Variants in TRAK1 observed in about 807,000 individuals in gnomAD.
TRAK1 encodes trafficking kinesin-binding protein 1.
Under a neutral mutation model 92.1 loss-of-function variants are expected in TRAK1, and 33 were observed. The ratio of observed to expected loss-of-function variants is 0.36; its 90% confidence interval spans 0.27 to 0.48. TRAK1 has a LOEUF of 0.48. Ranked by LOEUF, TRAK1 falls within the 20% of genes least tolerant of loss-of-function variation. The pLI, the probability that TRAK1 is intolerant of heterozygous loss-of-function variation, is 0.99. For synonymous variants in TRAK1, 521 were observed against 517.3 expected (o/e 1.01, Z -0.10); for missense variants, 1,123 against 1,257.9 (o/e 0.89, Z 1.62).
At position 42,202,879 on chromosome 3, in the gene TRAK1, G is replaced by A. The variant is rs763336602; in HGVS notation, c.1744+127G>A. 34 of 1,465,048 alleles carry A rather than the reference G, an allele frequency of 2.3e-5. No homozygotes were observed. Among genetic ancestry groups the A allele is most frequent in the Admixed American group, 1.8e-4 (8 of 43,464 alleles). 90.8% of individuals were successfully genotyped at this position (1,465,048 alleles called of 1,614,324 possible). On this transcript the variant is annotated intron_variant, in intron 13 of 15. Coordinates refer to ENST00000327628, the MANE Select transcript of TRAK1 (RefSeq NM_001042646.3). The surrounding 1 kb of genome is among the most constrained non-coding windows in gnomAD (Gnocchi z 6.1). ...TTTTTCTTCCGCGACAGCCACCCGC[G>A]CTGCTGGTTTGAGTTCCTCTGAGGG...
At chr3:42,095,674 C>G (rs1452705487) in intron 1 of TRAK1, among the ~76,000 whole-genome samples, 2 of 152,148 alleles carry the variant, frequency 1.3e-5, no homozygotes, top group East Asian at 1.9e-4. Context: ...TTACCTTATT[C>G]TTTAAAATAG....
intron 2 of TRAK1, among the ~76,000 whole-genome samples, chr3:42,163,364 T>A (rs1368412447): frequency 2.0e-5 from 3 of 148,724 alleles, no homozygotes; most frequent in Non-Finnish European, 4.5e-5. Context: ...AGGTCAGGAG[T>A]TCAAGACCAG....
intron 6 of TRAK1, among the ~76,000 whole-genome samples, chr3:42,191,022 G>A (rs1035924332): frequency 6.6e-6 from 1 of 152,208 alleles, no homozygotes; most frequent in Non-Finnish European, 1.5e-5. Context: ...TGGCTCTTGT[G>A]CCTCTGCATT....
chr3:42,043,229 T>C (rs1702617049), intron 1 of TRAK1, among the ~76,000 whole-genome samples: 1 of 152,014 alleles, frequency 6.6e-6, no homozygotes, highest in Non-Finnish European at 1.5e-5. Flanking sequence ...CTGTCCCCTC[T>C]TGCCCTCCTT....
chr3:42,043,489 A>C (rs1415424860), intron 1 of TRAK1, among the ~76,000 whole-genome samples: 3 of 150,520 alleles, frequency 2.0e-5, no homozygotes, highest in Admixed American at 6.6e-5. Flanking sequence ...CTCTGACCTC[A>C]TCCCCTCCAC....
At position 42,212,237 on chromosome 3, in the gene TRAK1, A is replaced by G. The variant is rs538238366; in HGVS notation, c.1963+2252A>G. The G allele has an allele frequency of 1.9e-5, 19 of 985,408 alleles. No homozygotes were observed. In the South Asian group the frequency reaches 5.6e-4, roughly 29 times the overall value. 61.0% of individuals were successfully genotyped at this position (985,408 alleles called of 1,614,324 possible). A position where few individuals can be genotyped will look rare whatever the true frequency, so the allele number is the denominator to read the frequency against. ...ATCCTCTGTCTTGGGATTTGTATCC[A>G]TGGTGGTCTGGTCCCTGCCTTTTAA... On this transcript the variant is annotated intron_variant, in intron 14 of 15. Transcript: ENST00000327628.
chr3:42,193,991 A>C, intron 9 of TRAK1, 93 bp downstream of exon 9: 1 of 1,112,644 alleles, frequency 9.0e-7, no homozygotes, highest in African/African-American at 1.6e-5. Flanking sequence ...CATCGCAACT[A>C]CTGTTTTTAT....
intron 1 of TRAK1, among the ~76,000 whole-genome samples, chr3:42,079,956 A>C (rs1704355704): frequency 6.6e-6 from 1 of 152,022 alleles, no homozygotes; most frequent in Admixed American, 6.6e-5. Context: ...AGGGTGCACA[A>C]ATCCTTCTGC....
At chr3:42,188,240 G>GCTGACCTC in intron 5 of TRAK1, 95 bp downstream of exon 5, 1 of 1,123,306 alleles carries the variant, frequency 8.9e-7, no homozygotes, top group Non-Finnish European at 1.4e-6. Flanking sequence ...ACCTTCAGCA[G>GCTGACCTC]CAATGGAGGT....
At chr3:42,131,586 G>A (rs943962014) in intron 2 of TRAK1, among the ~76,000 whole-genome samples, 3 of 124,408 alleles carry the variant, frequency 2.4e-5, no homozygotes, top group African/African-American at 3.2e-5. Flanking sequence ...GCATGGTGGC[G>A]TGCACCTGTA....
intron 13 of TRAK1, among the ~76,000 whole-genome samples, chr3:42,205,877 C>G (rs1420892295): frequency 6.6e-6 from 1 of 152,252 alleles, no homozygotes; most frequent in African/African-American, 2.4e-5. Flanking sequence ...TGTCCGTGCC[C>G]TTTTCCCATA....
chr3:42,041,559 G>A (rs1702539929), intron 1 of TRAK1, among the ~76,000 whole-genome samples: 1 of 148,764 alleles, frequency 6.7e-6, no homozygotes, highest in Non-Finnish European at 1.5e-5. Context: ...ATGTACAAAT[G>A]GTGGTAGCTT....
At chr3:42,117,765 C>T (rs1047210190) in intron 1 of TRAK1, among the ~76,000 whole-genome samples, 5 of 152,100 alleles carry the variant, frequency 3.3e-5, no homozygotes, top group Non-Finnish European at 4.4e-5. Context: ...GGAGGAGGTC[C>T]CTTGATCCTA....
chr3:42,119,646 G>A (rs1709588405), intron 1 of TRAK1, among the ~76,000 whole-genome samples: 1 of 152,206 alleles, frequency 6.6e-6, no homozygotes, highest in Admixed American at 6.5e-5. Context: ...AGCTAAGCAT[G>A]GCTCCAGCAC....
At chr3:42,039,584 A>G (rs1702458702) in intron 1 of TRAK1, among the ~76,000 whole-genome samples, 1 of 152,186 alleles carries the variant, frequency 6.6e-6, no homozygotes. Context: ...GGCTGGTCTC[A>G]AACTCCTGAC....
At chr3:42,082,837 A>G (rs1704499984), upstream of TRAK1, among the ~76,000 whole-genome samples, 1 of 152,240 alleles carries the variant, frequency 6.6e-6, no homozygotes, top group African/African-American at 2.4e-5. Context: ...TTGTTAATGC[A>G]TTTTAAAACC....
At chr3:42,040,046 A>ATT (rs141501174) in intron 1 of TRAK1, among the ~76,000 whole-genome samples, 7 of 148,342 alleles carry the variant, frequency 4.7e-5, no homozygotes, top group East Asian at 2.0e-4. Flanking sequence ...TCCTTTGCCT[A>ATT]TTTTTTTTTT....
In TRAK1 at chr3:42,030,793, C is replaced by T. The variant is rs997221874; in HGVS notation, c.-519+16676C>T. On this transcript the variant is annotated intron_variant, in intron 1 of 16. Transcript: ENST00000487159. ...GGGACTGCTTGGGTTAAAGTTTTCC[C>T]GGTATTTGAGAACTAGGTGGAAGCA... Among the ~76,000 whole-genome samples the T allele has an allele frequency of 1.1e-4, 16 of 145,652 alleles. 1 individual carries two copies. The highest frequency in any genetic ancestry group is 1.5e-4 in the Non-Finnish European group (10 of 67,548).
At chr3:42,142,247 T>A (rs1312152053) in intron 2 of TRAK1, among the ~76,000 whole-genome samples, 2 of 152,234 alleles carry the variant, frequency 1.3e-5, no homozygotes, top group African/African-American at 4.8e-5. Context: ...TTCAACCTGA[T>A]GTCTTTTCCT....
Sources: gnomAD v4.1 joint callset for allele counts (sites outside exome capture counted in the v4.1 genomes callset) on GRCh38, gnomAD v4.1.1 for gene constraint, Gnocchi (gnomAD v3.1) non-coding constraint, MANE v1.5 for transcripts, NCBI Gene and HGNC (gene_info 2026-07-23, HGNC 2026-07-21) for gene names.